LAMA3: variants seen among roughly 807,000 people sequenced by gnomAD.
LAMA3 encodes the protein laminin subunit alpha-3.
LAMA3 carries 281 observed loss-of-function variants against 402.0 expected under a neutral mutation model. The observed-to-expected ratio is 0.70, with a 90% CI of 0.63 to 0.77. The LOEUF (loss-of-function observed/expected upper bound fraction) is 0.77, where lower values mean the gene tolerates loss of function less well. LAMA3 is among the 30% of genes least tolerant of loss of function. LAMA3 has a pLI of 0.00. For synonymous variants in LAMA3, 1,431 were observed against 1,558.4 expected (o/e 0.92, Z 1.93); for missense variants, 3,840 against 4,215.5 (o/e 0.91, Z 2.47).
intron 32 of LAMA3, among the ~76,000 whole-genome samples, chr18:23,854,165 A>C (rs2064009666): frequency 6.6e-6 from 1 of 152,096 alleles, no homozygotes; most frequent in Non-Finnish European, 1.5e-5. Flanking sequence ...GCTTGGTCCT[A>C]TATTACTGAC....
Position 23,824,566 on chromosome 18 carries a change from G to GT in LAMA3, c.2571+2dup, listed in dbSNP as rs1203300407. On this transcript the variant is annotated splice_donor_variant, in intron 21 of 74. Coordinates refer to ENST00000313654, the MANE Select transcript of LAMA3 (RefSeq NM_198129.4). LOFTEE classifies it high-confidence loss of function. ...TATTAAGGCAGAAGGAGTCCTTCTG[G>GT]TAAGACTTAGTTCTGAATGGAGAGC... 6.2e-7 allele frequency: 1 copy of GT among 1,613,738 alleles called. No homozygotes were observed. Among genetic ancestry groups the GT allele is most frequent in the Admixed American group, 1.7e-5 (1 of 59,994 alleles).
chr18:23,751,076 T>A lies in LAMA3; in HGVS notation c.843T>A (p.Thr281=), dbSNP rs2061743588. 2 of 1,614,126 alleles carry A rather than the reference T, an allele frequency of 1.2e-6. No individual in the cohort carries two copies. Among genetic ancestry groups the A allele is most frequent in the Non-Finnish European group, 1.7e-6 (2 of 1,179,974 alleles). The change falls in exon 5 of 75, where the codon ACT becomes ACA. Residue 281 remains threonine (T), a synonymous_variant. Coordinates refer to ENST00000313654, the MANE Select transcript of LAMA3 (RefSeq NM_198129.4). ...HLISKAQRDP[T]VTRRYYYSIK... ...TCTCCAAAGCCCAGCGAGATCCAAC[T>A]GTCACTCGGCGGGTGAGTAGTCAGA...
At chr18:23,744,757 G>A (rs1371008676) in intron 2 of LAMA3, among the ~76,000 whole-genome samples, 1 of 150,698 alleles carries the variant, frequency 6.6e-6, no homozygotes, top group Non-Finnish European at 1.5e-5. Flanking sequence ...GCGTGAACCT[G>A]GGAGGCGGAG....
chr18:23,943,445 C>T (rs1029011221), intron 68 of LAMA3, among the ~76,000 whole-genome samples: 2 of 152,170 alleles, frequency 1.3e-5, no homozygotes, highest in Non-Finnish European at 2.9e-5. Flanking sequence ...TTTAGGTTAG[C>T]GTATTTTACC....
chr18:23,725,140 T>A (rs1484995789), intron 2 of LAMA3, among the ~76,000 whole-genome samples: 2 of 151,860 alleles, frequency 1.3e-5, no homozygotes, highest in Admixed American at 6.6e-5. Flanking sequence ...GACAGAGTCT[T>A]GCTTTGTCAC....
At position 23,850,401 on chromosome 18, in the gene LAMA3, A is replaced by G. The variant is rs149114231; in HGVS notation, c.4136+2733A>G. ...GTTTTAGAGGCAATAAGTTGGAACC[A>G]TAAAACTGAGCCTTCGACTCACCTT... On this transcript the variant is annotated intron_variant, in intron 32 of 74. Transcript: ENST00000313654. Among the ~76,000 whole-genome samples, 606 of 152,378 alleles carry G rather than the reference A, an allele frequency of 4.0e-3. 4 individuals carry two copies. The highest frequency in any genetic ancestry group is 0.02 in the Middle Eastern group (6 of 294).
intron 10 of LAMA3, 44 bp from the exon 11 acceptor site, chr18:23,777,513 C>A: frequency 1.5e-6 from 2 of 1,307,176 alleles, no homozygotes; most frequent in South Asian, 1.2e-5. Context: ...ACTTTACTAT[C>A]TCCTTAATCA....
At chr18:23,885,931 T>TA (rs565328892) in intron 41 of LAMA3, among the ~76,000 whole-genome samples, 27 of 147,802 alleles carry the variant, frequency 1.8e-4, no homozygotes, top group Non-Finnish European at 2.3e-4. Flanking sequence ...TGTGAACCCT[T>TA]AAAAAAAAAA....
At chr18:23,843,817 C>T (rs191155570) in intron 29 of LAMA3, among the ~76,000 whole-genome samples, 170 of 152,316 alleles carry the variant, frequency 1.1e-3, no homozygotes, top group Non-Finnish European at 1.4e-3. Context: ...CACGCTCTGG[C>T]CATACAAATC....
intron 55 of LAMA3, 119 bp from the exon 56 acceptor site, chr18:23,912,592 C>G (rs1252606863): frequency 2.1e-5 from 17 of 818,588 alleles, no homozygotes; most frequent in Non-Finnish European, 3.6e-5. Context: ...TTCCCTTGCT[C>G]CTTATCATAA....
At chr18:23,931,499 C>T (rs768788478) in intron 65 of LAMA3, 15 of 268,410 alleles carry the variant, frequency 5.6e-5, no homozygotes, top group Non-Finnish European at 9.2e-5. Context: ...TCTACGAAAA[C>T]TAAAATAAAA....
Position 23,954,787 on chromosome 18 carries a change from G to A in LAMA3, c.*139G>A. The A allele has an allele frequency of 1.2e-6, 1 of 864,906 alleles. No homozygotes were observed. The highest frequency in any genetic ancestry group is 2.5e-5 in the East Asian group (1 of 40,552). The allele number at this position is 864,906 out of a possible 1,614,324, so 53.6% of individuals were successfully genotyped here. On this transcript the variant is annotated 3_prime_UTR_variant, in exon 75 of 75. Coordinates refer to ENST00000313654, the MANE Select transcript of LAMA3 (RefSeq NM_198129.4). ...AATAGCGAATCTAATTTTGAATTCT[G>A]ACCATGGATACCCATCACTTTGGCA...
intron 12 of LAMA3, among the ~76,000 whole-genome samples, chr18:23,792,321 G>C (rs2144096658): frequency 6.6e-6 from 1 of 152,314 alleles, no homozygotes; most frequent in East Asian, 1.9e-4. Flanking sequence ...ACATCTGGCT[G>C]GCTTCTGGTG....
intron 59 of LAMA3, among the ~76,000 whole-genome samples, chr18:23,916,298 C>T (rs1227754592): frequency 1.3e-5 from 2 of 152,154 alleles, no homozygotes; most frequent in South Asian, 4.1e-4. Context: ...CCTAAGCAGA[C>T]ATTTCCAAAA....
intron 1 of LAMA3, among the ~76,000 whole-genome samples, chr18:23,693,647 T>C (rs1368422913): frequency 1.3e-5 from 2 of 152,218 alleles, no homozygotes; most frequent in Admixed American, 1.3e-4. Flanking sequence ...AAATAGTAAC[T>C]TGTTTTAGTA....
chr18:23,836,626 G>A (rs1447594342), intron 24 of LAMA3, among the ~76,000 whole-genome samples: 1 of 152,168 alleles, frequency 6.6e-6, no homozygotes, highest in Admixed American at 6.5e-5. Flanking sequence ...AGGCTAGCGG[G>A]TGACTTTAAT....
At position 23,773,509 on chromosome 18, in the gene LAMA3, G is replaced by T; in HGVS notation, c.1195G>T (p.Gly399Ter). ...VCINCQHNTA[G>*]VNCEQCAKGY... ...TGTTTCTTTCTAGCACAACACAGCT[G>T]GAGTAAACTGTGAACAGTGTGCTAA... Residue 399 changes from glycine to a stop codon, truncating the protein, a stop_gained, in exon 9 of 75, where the codon GGA becomes TGA. Coordinates refer to ENST00000313654, the MANE Select transcript of LAMA3 (RefSeq NM_198129.4). LOFTEE classifies it high-confidence loss of function. 6.3e-7 allele frequency: 1 copy of T among 1,594,134 alleles called. No individual in the cohort carries two copies. The highest frequency in any genetic ancestry group is 1.1e-5 in the South Asian group (1 of 88,272).
At chr18:23,803,765 T>C (rs2062909978) in intron 12 of LAMA3, among the ~76,000 whole-genome samples, 1 of 152,250 alleles carries the variant, frequency 6.6e-6, no homozygotes, top group African/African-American at 2.4e-5. Context: ...GGCACAAATG[T>C]GCTGCAGCTG....
chr18:23,916,453 G>A, intron 59 of LAMA3, 98 bp from the exon 60 acceptor site: 2 of 1,384,996 alleles, frequency 1.4e-6, no homozygotes, highest in Non-Finnish European at 2.1e-6. Context: ...CATTTTCTTG[G>A]CTCCATTTTT....
Sources: allele counts gnomAD v4.1 joint callset (sites outside exome capture counted in the v4.1 genomes callset), GRCh38; gene constraint gnomAD v4.1.1; transcripts MANE v1.5; gene names NCBI Gene and HGNC (gene_info 2026-07-23, HGNC 2026-07-21).